The following PXMP2 variants were observed in gnomAD, a reference collection of about 807,000 sequenced individuals.
PXMP2 encodes the protein peroxisomal membrane protein 2, also known as 22 kDa peroxisomal membrane protein.
In PXMP2, 13 loss-of-function variants were observed where a neutral mutation model predicts 20.2. The ratio of observed to expected loss-of-function variants is 0.64; its 90% confidence interval spans 0.42 to 1.02. The LOEUF (loss-of-function observed/expected upper bound fraction) is 1.02. Ranked by LOEUF, PXMP2 falls within the 50% of genes least tolerant of loss-of-function variation. The probability of loss-of-function intolerance (pLI) is 0.00; values close to 1 mark genes in which losing one functional copy is unlikely to be tolerated. For synonymous variants in PXMP2, 113 were observed against 111.2 expected (o/e 1.02, Z -0.10); for missense variants, 284 against 251.8 (o/e 1.13, Z -0.87).
intron 1 of PXMP2, among the ~76,000 whole-genome samples, chr12:132,689,571 C>G (rs1280674411): frequency 6.6e-6 from 1 of 152,082 alleles, no homozygotes; most frequent in Non-Finnish European, 1.5e-5. Context: ...GGGATCTGAT[C>G]GAGAAGGTGT....
intron 2 of PXMP2, among the ~76,000 whole-genome samples, chr12:132,693,669 T>C (rs2043387623): frequency 2.2e-5 from 3 of 134,684 alleles, no homozygotes; most frequent in Admixed American, 7.2e-5. Context: ...GCCAGTTAGT[T>C]AGTGAGCGCC....
At chr12:132,692,260 T>G (rs113130562) in intron 2 of PXMP2, among the ~76,000 whole-genome samples, 11 of 141,196 alleles carry the variant, frequency 7.8e-5, no homozygotes, top group Non-Finnish European at 9.5e-5. Context: ...AGCCAGTTAG[T>G]TAGTGAGCTC....
chr12:132,700,134 C>T (rs1048177798), intron 3 of PXMP2, among the ~76,000 whole-genome samples: 17 of 151,802 alleles, frequency 1.1e-4, no homozygotes, highest in South Asian at 2.1e-4. Flanking sequence ...CTCCGCCTCC[C>T]GGGTTCAAGT....
chr12:132,695,035 C>T (rs1418903930), intron 2 of PXMP2, among the ~76,000 whole-genome samples: 2 of 149,162 alleles, frequency 1.3e-5, no homozygotes, highest in African/African-American at 2.5e-5. Flanking sequence ...AGTGAGCTCC[C>T]TTAGCCAGTT....
rs2136067726 is a variant in PXMP2 at position 132,701,134 on chromosome 12, C to T, written c.400-116C>T. On this transcript the variant is annotated intron_variant, in intron 3 of 4. Coordinates refer to ENST00000317479, the MANE Select transcript of PXMP2 (RefSeq NM_018663.3). ...AGTACACATGTGTGCTGTCTGCGTACACACAGAACAAAATCCAATAGCAGT... is the reference window on the plus strand; with the variant it reads ...AGTACACATGTGTGCTGTCTGCGTATACACAGAACAAAATCCAATAGCAGT... 2.1e-6 allele frequency: 3 copies of T among 1,424,222 alleles called. No individual in the cohort carries two copies. In the South Asian group the frequency reaches 3.6e-5, roughly 17 times the overall value. 88.2% of individuals were successfully genotyped at this position (1,424,222 alleles called of 1,614,324 possible). A position where few individuals can be genotyped will look rare whatever the true frequency, so the allele number is the denominator to read the frequency against.
chr12:132,697,894 G>A (rs528805894), intron 3 of PXMP2, among the ~76,000 whole-genome samples: 2 of 152,268 alleles, frequency 1.3e-5, no homozygotes, highest in East Asian at 3.9e-4. Context: ...GTGTTCACCT[G>A]CACTCAGCAG....
At chr12:132,688,176 GGC>G (rs1565988056) in intron 1 of PXMP2, 8 of 190,864 alleles carry the variant, frequency 4.2e-5, no homozygotes, top group South Asian at 2.0e-4. Flanking sequence ...GTGAAGACAG[GGC>G]GAGGGGAGCG....
chr12:132,699,779 C>T (rs1221913447), intron 3 of PXMP2, among the ~76,000 whole-genome samples: 2 of 151,866 alleles, frequency 1.3e-5, no homozygotes, highest in African/African-American at 2.4e-5. Context: ...TGTTGGGGGA[C>T]GTTTAGGTTG....
chr12:132,689,411 C>T (rs535045691), intron 1 of PXMP2, among the ~76,000 whole-genome samples: 2 of 152,252 alleles, frequency 1.3e-5, no homozygotes, highest in African/African-American at 4.8e-5. Context: ...AACAGCAGGG[C>T]AAAGGTCTCT....
chr12:132,695,362 G>T (rs1348278479), intron 2 of PXMP2, among the ~76,000 whole-genome samples: 3 of 152,170 alleles, frequency 2.0e-5, no homozygotes, highest in South Asian at 4.1e-4. Flanking sequence ...TTGCCAGTTA[G>T]CCTAGTGAGT....
At position 132,702,893 on chromosome 12, in the gene PXMP2, G is replaced by A. The variant is rs111853468; in HGVS notation, c.519+1524G>A. On this transcript the variant is annotated intron_variant, in intron 4 of 4. Coordinates refer to ENST00000317479, the MANE Select transcript of PXMP2 (RefSeq NM_018663.3). ...GGAGAGGAGGGAGGCGGCCCAGTGT[G>A]TGCACACTGCACACACCACAAACAC... 3.2e-3 allele frequency among the ~76,000 whole-genome samples: 492 copies of A among 152,324 alleles called. 2 individuals carry two copies. The highest frequency in any genetic ancestry group is 9.6e-3 in the African/African-American group (401 of 41,572).
At position 132,690,503 on chromosome 12, in the gene PXMP2, A is replaced by G. The variant is rs11830294; in HGVS notation, c.236+127A>G. On this transcript the variant is annotated intron_variant, in intron 2 of 4. Transcript: ENST00000317479. ...TTTTTTAAAAACCATTGTAGTAATC[A>G]TCATGGGAAAAAACTCGAATGGTTC... The G allele has an allele frequency of 1.2e-3, 854 of 707,078 alleles. 9 individuals are homozygous for G. In the African/African-American group the frequency reaches 0.013, roughly 11 times the overall value. 43.8% of individuals were successfully genotyped at this position (707,078 alleles called of 1,614,324 possible).
At chr12:132,701,537 T>C in intron 4 of PXMP2, 168 bp downstream of exon 4, 5 of 923,190 alleles carry the variant, frequency 5.4e-6, no homozygotes, top group Non-Finnish European at 7.7e-6. Context: ...ACTCCTCAAC[T>C]ACCCTTGGAT....
intron 1 of PXMP2, 116 bp downstream of exon 1, chr12:132,687,908 C>T: frequency 1.0e-6 from 1 of 990,446 alleles, no homozygotes; most frequent in Non-Finnish European, 1.2e-6. Context: ...CGGGTCAGAA[C>T]CCCCGGAGCG....
rs762903617 is a variant in PXMP2 at position 132,701,294 on chromosome 12, C to T, written c.444C>T (p.Phe148=). 1.2e-6 allele frequency: 2 copies of T among 1,612,540 alleles called. No individual in the cohort carries two copies. The highest frequency in any genetic ancestry group is 1.7e-6 in the Non-Finnish European group (2 of 1,179,600). The stretch of plus-strand genomic sequence containing the variant: ...TCGCCGCCAAGATGAGGGGGGGCTT[C>T]TGGCCGGCGCTGAGGATGAACTGGC... The part of the protein sequence containing the change: ...SAFAAKMRGG[F]WPALRMNWRV... The change falls in exon 4 of 5, where the codon TTC becomes TTT. Residue 148 remains phenylalanine (F), a synonymous_variant. Transcript: ENST00000317479.
At chr12:132,702,123 C>T (rs1168038181) in intron 4 of PXMP2, among the ~76,000 whole-genome samples, 1 of 152,188 alleles carries the variant, frequency 6.6e-6, no homozygotes, top group Non-Finnish European at 1.5e-5. Context: ...AGAAACAAAG[C>T]ATTCGTGGTC....
chr12:132,691,157 TTCTCCCGACTCAG>T (rs2043364074), intron 2 of PXMP2, among the ~76,000 whole-genome samples: 1 of 151,708 alleles, frequency 6.6e-6, no homozygotes, highest in Non-Finnish European at 1.5e-5. Context: ...GTTCACGCCA[TTCTCCCGACTCAG>T]TCTCCCGAGT....
At position 132,696,568 on chromosome 12, in the gene PXMP2, C is replaced by T. The variant is rs577953294; in HGVS notation, c.399+522C>T. On this transcript the variant is annotated intron_variant, in intron 3 of 4. Transcript: ENST00000317479. The surrounding 1 kb of genome is among the most constrained non-coding windows in gnomAD (Gnocchi z 4.4). ...ATCCCAGCACTTTGGGAGGGCGAGG[C>T]GGGTGGATCACCTGAGGTCAGGAGT... Among the ~76,000 whole-genome samples the T allele has an allele frequency of 8.5e-5, 13 of 152,172 alleles. No homozygotes were observed. In the South Asian group the frequency reaches 1.2e-3, roughly 15 times the overall value.
Position 132,687,707 on chromosome 12 carries a change from G to C in PXMP2, c.37G>C (p.Gly13Arg). Reference sequence around the variant, plus strand: ...CGCGTCCAGGCTGCGGGCCGAAGCCGGGCTCGGGGCGCTGCCGCGGCGGGC... The same window carrying C: ...CGCGTCCAGGCTGCGGGCCGAAGCCCGGCTCGGGGCGCTGCCGCGGCGGGC... Reference protein sequence around the residue: ...PAASRLRAEAGLGALPRRALA... With the variant: ...PAASRLRAEARLGALPRRALA... Residue 13 changes from glycine to arginine, a missense_variant, in exon 1 of 5, where the codon GGG becomes CGG. Coordinates refer to ENST00000317479, the MANE Select transcript of PXMP2 (RefSeq NM_018663.3). 1 of 1,197,084 alleles carries C rather than the reference G, an allele frequency of 8.4e-7. No homozygotes were observed. Among genetic ancestry groups the C allele is most frequent in the Non-Finnish European group, 1.0e-6 (1 of 967,442 alleles). The allele number at this position is 1,197,084 out of a possible 1,614,324, so 74.2% of individuals were successfully genotyped here.
Sources: allele counts gnomAD v4.1 joint callset (sites outside exome capture counted in the v4.1 genomes callset), GRCh38; gene constraint gnomAD v4.1.1; non-coding constraint Gnocchi (gnomAD v3.1); transcripts MANE v1.5; gene names NCBI Gene and HGNC (gene_info 2026-07-23, HGNC 2026-07-21).